Variants in CDH17 observed in about 807,000 individuals in gnomAD.
CDH17 encodes cadherin 17.
Under a neutral mutation model 86.3 loss-of-function variants are expected in CDH17, and 67 were observed. That is an observed-to-expected ratio of 0.78 (90% CI 0.64 to 0.95). The LOEUF (loss-of-function observed/expected upper bound fraction) is 0.95, where lower values mean the gene tolerates loss of function less well. Ranked by LOEUF, CDH17 falls within the 40% of genes least tolerant of loss-of-function variation. The probability of loss-of-function intolerance (pLI) is 0.00; values close to 1 mark genes in which losing one functional copy is unlikely to be tolerated. For missense variants in CDH17, 993 were observed against 1,017.6 expected (o/e 0.98, Z 0.33); for synonymous variants, 367 against 366.4 (o/e 1.00, Z -0.02).
chr8:94,212,653 G>T (rs986171186), upstream of CDH17, among the ~76,000 whole-genome samples: 3 of 152,270 alleles, frequency 2.0e-5, no homozygotes, highest in Admixed American at 6.5e-5. Context: ...GCCACCTTGC[G>T]ATATTCTGAA....
intron 1 of CDH17, among the ~76,000 whole-genome samples, chr8:94,215,771 T>C (rs1814184332): frequency 6.6e-6 from 1 of 152,140 alleles, no homozygotes; most frequent in African/African-American, 2.4e-5. Flanking sequence ...CATTTTCAGT[T>C]ACCTCGGTCT....
At chr8:94,186,430 G>A (rs902943563) in intron 3 of CDH17, among the ~76,000 whole-genome samples, 3 of 152,076 alleles carry the variant, frequency 2.0e-5, no homozygotes, top group Non-Finnish European at 4.4e-5. Flanking sequence ...TTCAGTGTCT[G>A]GTGAGGGCCC....
chr8:94,142,175 C>A (rs1285069239), intron 15 of CDH17, among the ~76,000 whole-genome samples: 1 of 152,078 alleles, frequency 6.6e-6, no homozygotes, highest in African/African-American at 2.4e-5. Flanking sequence ...TTTACCACAC[C>A]CCCTATGCAA....
chr8:94,177,501 A>C, intron 4 of CDH17, 86 bp downstream of exon 4: 1 of 1,400,396 alleles, frequency 7.1e-7, no homozygotes. Flanking sequence ...GATTCTGTGC[A>C]AGGAAGGAAG....
chr8:94,179,407 C>G (rs1404711984), intron 3 of CDH17, among the ~76,000 whole-genome samples: 1 of 152,146 alleles, frequency 6.6e-6, no homozygotes, highest in Non-Finnish European at 1.5e-5. Context: ...AGCAGCTGAC[C>G]AAAACACTTA....
intron 3 of CDH17, among the ~76,000 whole-genome samples, chr8:94,182,206 A>G (rs1388741986): frequency 1.3e-5 from 2 of 152,174 alleles, no homozygotes; most frequent in Non-Finnish European, 2.9e-5. Context: ...CATGTAAAGA[A>G]GAATTAACAT....
chr8:94,195,973 G>T (rs376760403), intron 1 of CDH17, among the ~76,000 whole-genome samples: 1 of 151,732 alleles, frequency 6.6e-6, no homozygotes, highest in East Asian at 1.9e-4. Context: ...TGTTAGCCAC[G>T]ATGGTCTCAA....
chr8:94,154,185 C>T (rs1461732309), intron 12 of CDH17, among the ~76,000 whole-genome samples: 2 of 152,142 alleles, frequency 1.3e-5, no homozygotes, highest in African/African-American at 4.8e-5. Flanking sequence ...AGCAGTGGTT[C>T]TCAATCGAGT....
intron 1 of CDH17, among the ~76,000 whole-genome samples, chr8:94,195,912 C>T (rs1813777583): frequency 6.6e-6 from 1 of 152,136 alleles, no homozygotes; most frequent in Non-Finnish European, 1.5e-5. Flanking sequence ...AGGCGCCTGC[C>T]ACCACGCCTG....
chr8:94,160,177 G>T lies in CDH17; in HGVS notation c.1360-15C>A. 1 of 1,593,738 alleles carries T rather than the reference G, an allele frequency of 6.3e-7. No individual in the cohort carries two copies. Among genetic ancestry groups the T allele is most frequent in the South Asian group, 1.1e-5 (1 of 87,316 alleles). On this transcript the variant is annotated splice_polypyrimidine_tract_variant and intron_variant, in intron 11 of 17. Coordinates refer to ENST00000027335, the MANE Select transcript of CDH17 (RefSeq NM_004063.4). ...AGGTTTCCATACTAAGGAGAAAATG[G>T]AGAAGGAAACAATGAGAAGGTCTGC...
intron 9 of CDH17, among the ~76,000 whole-genome samples, chr8:94,167,640 T>C (rs555442121): frequency 6.6e-6 from 1 of 152,226 alleles, no homozygotes; most frequent in South Asian, 2.1e-4. Flanking sequence ...TGAAAGAGTG[T>C]CTTACTAAAT....
chr8:94,214,510 CAA>C (rs1289384511), intron 1 of CDH17, among the ~76,000 whole-genome samples: 1 of 152,024 alleles, frequency 6.6e-6, no homozygotes, highest in African/African-American at 2.4e-5. Flanking sequence ...TAAAATATAT[CAA>C]AGACATAAAT....
chr8:94,130,562 C>CTG (rs903345460), intron 17 of CDH17, 64 bp downstream of exon 17: 1 of 1,127,662 alleles, frequency 8.9e-7, no homozygotes, highest in African/African-American at 1.5e-5. Flanking sequence ...AAGACAGGCC[C>CTG]TGAGATGAGC....
intron 15 of CDH17, among the ~76,000 whole-genome samples, chr8:94,144,813 G>A (rs778433218): frequency 5.3e-5 from 8 of 152,118 alleles, no homozygotes; most frequent in South Asian, 2.1e-4. Flanking sequence ...TTGCAACTCA[G>A]CAATAGAATC....
chr8:94,151,120 C>T (rs1812847324), intron 13 of CDH17, among the ~76,000 whole-genome samples: 1 of 152,086 alleles, frequency 6.6e-6, no homozygotes, highest in Admixed American at 6.6e-5. Flanking sequence ...ATTTCCTATG[C>T]CATAGACAGG....
intron 1 of CDH17, among the ~76,000 whole-genome samples, chr8:94,199,067 ATATATATATATATATATTTTTTTT>A (rs1813847921): frequency 7.8e-5 from 3 of 38,272 alleles, no homozygotes; most frequent in Admixed American, 7.0e-4. Context: ...ATATATATAT[ATATATATATATATATATTTTTTTT>A]TTTTTATCAT....
At chr8:94,204,511 G>A (rs970203948) in intron 1 of CDH17, among the ~76,000 whole-genome samples, 9 of 152,142 alleles carry the variant, frequency 5.9e-5, no homozygotes, top group African/African-American at 2.2e-4. Flanking sequence ...ATTCCATGGT[G>A]TATATGTGCC....
chr8:94,203,576 C>T lies in CDH17; in HGVS notation c.-21+4907G>A, dbSNP rs116485131. Reference sequence around the variant, plus strand: ...CATCGATTAATGTTCAGATCTGCCACGCCCATCTTTTTGGTCTGGCTCACA... The same window carrying T: ...CATCGATTAATGTTCAGATCTGCCATGCCCATCTTTTTGGTCTGGCTCACA... On this transcript the variant is annotated intron_variant, in intron 1 of 17. Coordinates refer to ENST00000027335, the MANE Select transcript of CDH17 (RefSeq NM_004063.4). Among the ~76,000 whole-genome samples, 439 of 152,336 alleles carry T rather than the reference C, an allele frequency of 2.9e-3. 1 individual carries two copies. The highest frequency in any genetic ancestry group is 1.0e-2 in the African/African-American group (414 of 41,570).
intron 11 of CDH17, among the ~76,000 whole-genome samples, chr8:94,160,699 A>C (rs1320800966): frequency 1.3e-5 from 2 of 152,252 alleles, no homozygotes; most frequent in Non-Finnish European, 2.9e-5. Context: ...CAATAGTAAT[A>C]GAACCTACTT....
Sources: allele counts gnomAD v4.1 joint callset (sites outside exome capture counted in the v4.1 genomes callset), GRCh38; gene constraint gnomAD v4.1.1; transcripts MANE v1.5; gene names NCBI Gene and HGNC (gene_info 2026-07-23, HGNC 2026-07-21).